PRKG1: variants seen among roughly 807,000 people sequenced by gnomAD.
PRKG1 encodes cGMP-dependent protein kinase 1.
In PRKG1, 35 loss-of-function variants were observed where a neutral mutation model predicts 88.1. The observed-to-expected ratio is 0.40, with a 90% CI of 0.30 to 0.53. The LOEUF (loss-of-function observed/expected upper bound fraction) is 0.53, where lower values mean the gene tolerates loss of function less well. PRKG1 is among the 20% of genes least tolerant of loss of function. The probability of loss-of-function intolerance (pLI) is 0.59; values close to 1 mark genes in which losing one functional copy is unlikely to be tolerated. For synonymous variants in PRKG1, 303 were observed against 292.5 expected (o/e 1.04, Z -0.37); for missense variants, 540 against 839.8 (o/e 0.64, Z 4.41).
chr10:51,609,300 T>C (rs1838843935), intron 3 of PRKG1, among the ~76,000 whole-genome samples: 1 of 152,174 alleles, frequency 6.6e-6, no homozygotes, highest in South Asian at 2.1e-4. Flanking sequence ...AGAGCAACTT[T>C]TATTAGAACC....
chr10:51,176,927 G>A (rs9415774), intron 2 of PRKG1, among the ~76,000 whole-genome samples: 2 of 152,132 alleles, frequency 1.3e-5, no homozygotes, highest in Non-Finnish European at 2.9e-5. Flanking sequence ...ATATATAAAT[G>A]TTCCACTGGG....
intron 7 of PRKG1, among the ~76,000 whole-genome samples, chr10:52,118,758 A>G (rs563999994): frequency 6.6e-6 from 1 of 152,136 alleles, no homozygotes; most frequent in Non-Finnish European, 1.5e-5. Flanking sequence ...GTAAAATTAT[A>G]CCATGGTAGA....
intron 5 of PRKG1, among the ~76,000 whole-genome samples, chr10:51,934,951 G>A (rs1842771832): frequency 6.6e-6 from 1 of 152,056 alleles, no homozygotes; most frequent in African/African-American, 2.4e-5. Context: ...ATAGAGTTTT[G>A]GGCAGAACTA....
chr10:51,288,759 C>A (rs1435445126), intron 2 of PRKG1, among the ~76,000 whole-genome samples: 1 of 152,096 alleles, frequency 6.6e-6, no homozygotes, highest in Non-Finnish European at 1.5e-5. Context: ...GCAGTACTTT[C>A]TGAAAGAAGG....
intron 2 of PRKG1, among the ~76,000 whole-genome samples, chr10:51,325,967 A>T (rs1034792150): frequency 6.6e-6 from 1 of 152,152 alleles, no homozygotes; most frequent in African/African-American, 2.4e-5. Flanking sequence ...GAGGGAGAGG[A>T]TACTGTTTTC....
In PRKG1 at chr10:51,994,639, G is replaced by A. The variant is rs116217806; in HGVS notation, c.763-59845G>A. On this transcript the variant is annotated intron_variant, in intron 5 of 17. Transcript: ENST00000373980. ...TTAAGGAGCCTTAGTCCTTAGGTCC[G>A]TAGTGCTTTTGATGCTTGCAATATT... Among the ~76,000 whole-genome samples, 395 of 152,264 alleles carry A rather than the reference G, an allele frequency of 2.6e-3. 3 individuals are homozygous for A. The highest frequency in any genetic ancestry group is 8.9e-3 in the African/African-American group (369 of 41,572).
chr10:51,031,116 C>T (rs938701322), intron 1 of PRKG1, among the ~76,000 whole-genome samples: 1 of 152,124 alleles, frequency 6.6e-6, no homozygotes, highest in African/African-American at 2.4e-5. Flanking sequence ...ACTCTATTTG[C>T]ATTTTCAAAA....
intron 3 of PRKG1, among the ~76,000 whole-genome samples, chr10:51,769,059 T>C (rs1838240646): frequency 6.6e-6 from 1 of 152,210 alleles, no homozygotes; most frequent in Non-Finnish European, 1.5e-5. Flanking sequence ...AAACAACTGT[T>C]TGTTCTGGGT....
rs114199207 is a variant in PRKG1 at position 51,712,871 on chromosome 10, C to G, written c.593-91714C>G. 4.4e-3 allele frequency among the ~76,000 whole-genome samples: 674 copies of G among 152,214 alleles called. 2 individuals are homozygous for G. Among genetic ancestry groups the G allele is most frequent in the African/African-American group, 0.016 (652 of 41,532 alleles). Reference sequence around the variant, plus strand: ...ATTTAATCCTCATCCTCACATAAGACAGCCATGTGAATCCAAACAATTATT... The same window carrying G: ...ATTTAATCCTCATCCTCACATAAGAGAGCCATGTGAATCCAAACAATTATT... On this transcript the variant is annotated intron_variant, in intron 3 of 17. Transcript: ENST00000373980.
At chr10:51,705,707 C>T (rs1166252973) in intron 3 of PRKG1, among the ~76,000 whole-genome samples, 1 of 152,144 alleles carries the variant, frequency 6.6e-6, no homozygotes, top group Non-Finnish European at 1.5e-5. Context: ...GATAGGCAGT[C>T]ATAGTTCCTC....
At chr10:51,711,889 C>T (rs1395560581) in intron 3 of PRKG1, among the ~76,000 whole-genome samples, 2 of 152,144 alleles carry the variant, frequency 1.3e-5, no homozygotes, top group Admixed American at 6.6e-5. Context: ...AGTTTACATT[C>T]TTTTCTTCTT....
chr10:51,701,419 A>G (rs1288097049), intron 3 of PRKG1, among the ~76,000 whole-genome samples: 1 of 152,236 alleles, frequency 6.6e-6, no homozygotes, highest in Non-Finnish European at 1.5e-5. Context: ...ACAGTTCTGC[A>G]CTTAGCTGTT....
intron 2 of PRKG1, chr10:51,302,576 G>A (rs1426880612): frequency 1.4e-5 from 2 of 147,954 alleles, no homozygotes; most frequent in African/African-American, 2.5e-5. Context: ...TTTTTAACGA[G>A]CAGATATTTA....
At chr10:51,223,043 A>G (rs773479770) in intron 2 of PRKG1, among the ~76,000 whole-genome samples, 3 of 152,014 alleles carry the variant, frequency 2.0e-5, no homozygotes, top group Admixed American at 6.6e-5. Flanking sequence ...GGGTAAGGGC[A>G]CTTAAAATCT....
intron 7 of PRKG1, among the ~76,000 whole-genome samples, chr10:52,088,406 A>T (rs1846969590): frequency 6.6e-6 from 1 of 151,714 alleles, no homozygotes; most frequent in Non-Finnish European, 1.5e-5. Context: ...GACTTTCTTG[A>T]TGGGTGCTAT....
intron 7 of PRKG1, among the ~76,000 whole-genome samples, chr10:52,118,399 A>G (rs918186815): frequency 4.6e-5 from 7 of 151,968 alleles, no homozygotes; most frequent in African/African-American, 1.4e-4. Context: ...CTTTTAATGC[A>G]TACATATCTA....
At chr10:52,011,540 C>A (rs1320072939) in intron 5 of PRKG1, among the ~76,000 whole-genome samples, 1 of 152,118 alleles carries the variant, frequency 6.6e-6, no homozygotes, top group Non-Finnish European at 1.5e-5. Flanking sequence ...ACCCTGCTTG[C>A]ATCACCAAGT....
At chr10:51,308,817 G>A (rs1841105948) in intron 2 of PRKG1, among the ~76,000 whole-genome samples, 1 of 152,108 alleles carries the variant, frequency 6.6e-6, no homozygotes, top group African/African-American at 2.4e-5. Context: ...GCTCAGATGA[G>A]ACCTCACTGA....
chr10:52,289,036 T>A, intron 16 of PRKG1, 43 bp downstream of exon 16: 2 of 1,538,812 alleles, frequency 1.3e-6, no homozygotes, highest in Admixed American at 3.7e-5. Context: ...TGACATCATT[T>A]CCCCAGGGTG....
Sources: gnomAD v4.1 joint callset for allele counts (sites outside exome capture counted in the v4.1 genomes callset) on GRCh38, gnomAD v4.1.1 for gene constraint, MANE v1.5 for transcripts, NCBI Gene and HGNC (gene_info 2026-07-23, HGNC 2026-07-21) for gene names.